The following ANO3 variants were observed in gnomAD, a reference collection of about 807,000 sequenced individuals.
ANO3 encodes anoctamin 3.
ANO3 carries 99 observed loss-of-function variants against 144.8 expected under a neutral mutation model. That is an observed-to-expected ratio of 0.68 (90% CI 0.58 to 0.81). The LOEUF is 0.81. ANO3 is among the 30% of genes least tolerant of loss of function. ANO3 has a pLI of 0.00. For synonymous variants in ANO3, 414 were observed against 392.6 expected (o/e 1.05, Z -0.64); for missense variants, 905 against 1,202.2 (o/e 0.75, Z 3.66).
chr11:26,252,724 G>C (rs12225290), intron 1 of ANO3, among the ~76,000 whole-genome samples: 2,795 of 152,192 alleles, frequency 0.018, 70 homozygotes, highest in East Asian at 0.13. Flanking sequence ...TATGTATTTA[G>C]ACGCATTACT....
intron 9 of ANO3, among the ~76,000 whole-genome samples, chr11:26,536,924 A>G (rs1407365841): frequency 6.6e-6 from 1 of 152,052 alleles, no homozygotes; most frequent in Non-Finnish European, 1.5e-5. Flanking sequence ...GGAGATTTTA[A>G]TAAGTGTCTC....
chr11:26,361,174 A>C (rs2133924919), intron 1 of ANO3, among the ~76,000 whole-genome samples: 1 of 152,326 alleles, frequency 6.6e-6, no homozygotes, highest in Non-Finnish European at 1.5e-5. Context: ...TGGAAATGAA[A>C]GGTACACAGA....
At chr11:26,204,507 C>G (rs1002803140) in intron 1 of ANO3, among the ~76,000 whole-genome samples, 7 of 152,086 alleles carry the variant, frequency 4.6e-5, no homozygotes, top group Non-Finnish European at 7.4e-5. Flanking sequence ...GGTCAATTTT[C>G]CCTGAGAATA....
At chr11:26,419,933 C>A (rs1234261776) in intron 1 of ANO3, among the ~76,000 whole-genome samples, 2 of 151,962 alleles carry the variant, frequency 1.3e-5, no homozygotes, top group Admixed American at 6.6e-5. Flanking sequence ...GAGAATAGTG[C>A]ACAAAGATGA....
intron 1 of ANO3, among the ~76,000 whole-genome samples, chr11:26,252,368 G>GTT (rs1269873090): frequency 6.6e-6 from 1 of 152,128 alleles, no homozygotes; most frequent in Admixed American, 6.5e-5. Flanking sequence ...TCTCCAGGCA[G>GTT]TTTTTTCTTT....
intron 11 of ANO3, among the ~76,000 whole-genome samples, chr11:26,546,765 C>T (rs3108884): frequency 0.66 from 100,110 of 151,900 alleles, 33,282 homozygotes; most frequent in East Asian, 0.83. Context: ...ATACTTCCTG[C>T]GATGGGTACT....
intron 1 of ANO3, among the ~76,000 whole-genome samples, chr11:26,249,403 T>G (rs566889789): frequency 1.3e-5 from 2 of 152,332 alleles, no homozygotes; most frequent in Admixed American, 1.3e-4. Flanking sequence ...TAGAGTGATA[T>G]TTTAATTCCC....
At chr11:26,525,359 A>G (rs1849135115) in intron 6 of ANO3, among the ~76,000 whole-genome samples, 1 of 151,816 alleles carries the variant, frequency 6.6e-6, no homozygotes. Flanking sequence ...CAGAAGACAG[A>G]CTTTCAATAA....
intron 14 of ANO3, among the ~76,000 whole-genome samples, chr11:26,595,460 G>GTGGTTTT: frequency 9.9e-6 from 1 of 101,390 alleles, no homozygotes; most frequent in South Asian, 3.3e-4. Context: ...AGATAGAGTT[G>GTGGTTTT]TTTTTTTTTT....
At chr11:26,374,957 T>C (rs1856364753) in intron 1 of ANO3, among the ~76,000 whole-genome samples, 1 of 152,190 alleles carries the variant, frequency 6.6e-6, no homozygotes, top group Non-Finnish European at 1.5e-5. Context: ...TTGGCCAGGC[T>C]GGTCTTTAAC....
intron 1 of ANO3, among the ~76,000 whole-genome samples, chr11:26,293,355 C>G (rs1288223522): frequency 2.0e-5 from 3 of 151,286 alleles, no homozygotes; most frequent in Non-Finnish European, 2.9e-5. Context: ...GAAATTCTTT[C>G]TCTCACACTG....
chr11:26,376,723 T>C (rs1055513841), intron 1 of ANO3, among the ~76,000 whole-genome samples: 1 of 152,086 alleles, frequency 6.6e-6, no homozygotes, highest in Non-Finnish European at 1.5e-5. Context: ...GATGCGCAAC[T>C]GTTATTTTGG....
chr11:26,202,216 A>G (rs1851707845), intron 1 of ANO3, among the ~76,000 whole-genome samples: 1 of 146,258 alleles, frequency 6.8e-6, no homozygotes, highest in South Asian at 2.1e-4. Flanking sequence ...CCAAAATGTC[A>G]TTCCTTTTAT....
At chr11:26,204,733 G>T (rs1402267731) in intron 1 of ANO3, among the ~76,000 whole-genome samples, 1 of 152,058 alleles carries the variant, frequency 6.6e-6, no homozygotes, top group Non-Finnish European at 1.5e-5. Context: ...TTTTCTTATA[G>T]CAGTTCTTAT....
chr11:26,314,169 T>C (rs939369429), intron 1 of ANO3, among the ~76,000 whole-genome samples: 6 of 152,102 alleles, frequency 3.9e-5, no homozygotes, highest in Non-Finnish European at 5.9e-5. Flanking sequence ...GCATGCCATG[T>C]TTTCCGTCTT....
chr11:26,202,124 C>A (rs916967029), intron 1 of ANO3, among the ~76,000 whole-genome samples: 6 of 150,440 alleles, frequency 4.0e-5, no homozygotes, highest in Non-Finnish European at 7.4e-5. Flanking sequence ...TAGGGTAGGA[C>A]TGTCATATAC....
intron 4 of ANO3, among the ~76,000 whole-genome samples, chr11:26,467,267 C>T (rs940101737): frequency 1.3e-5 from 2 of 151,872 alleles, no homozygotes; most frequent in Non-Finnish European, 2.9e-5. Context: ...GTATCCATCA[C>T]CTCACGCATT....
At chr11:26,305,984 C>G (rs966102726), upstream of ANO3, among the ~76,000 whole-genome samples, 4 of 152,080 alleles carry the variant, frequency 2.6e-5, no homozygotes, top group East Asian at 5.8e-4. Flanking sequence ...GACAGAGTCT[C>G]GCTTCTCGCT....
rs562838292 is a variant in ANO3 at position 26,363,132 on chromosome 11, G to A, written c.46+30811G>A. ...TGTGTCTATTTTACAGATTTTTTTA[G>A]TTCTTTTTTCATCCTTCATCAAAGG... On this transcript the variant is annotated intron_variant, in intron 1 of 26. Transcript: ENST00000256737. Among the ~76,000 whole-genome samples, 8 of 152,154 alleles carry A rather than the reference G, an allele frequency of 5.3e-5. No individual in the cohort carries two copies. The South Asian group carries it at 1.5e-3, about 28-fold the overall frequency.
Sources: gnomAD v4.1 joint callset for allele counts (sites outside exome capture counted in the v4.1 genomes callset) on GRCh38, gnomAD v4.1.1 for gene constraint, MANE v1.5 for transcripts, NCBI Gene and HGNC (gene_info 2026-07-23, HGNC 2026-07-21) for gene names.